NRG1: variants seen among roughly 807,000 people sequenced by gnomAD.
The protein encoded by NRG1 is pro-neuregulin-1, membrane-bound isoform.
In NRG1, 18 loss-of-function variants were observed where a neutral mutation model predicts 63.8. That is an observed-to-expected ratio of 0.28 (90% CI 0.19 to 0.42). The LOEUF is 0.42. NRG1 is among the 10% of genes least tolerant of loss of function. The pLI, the probability that NRG1 is intolerant of heterozygous loss-of-function variation, is 1.00. For synonymous variants in NRG1, 302 were observed against 301.3 expected, an observed-to-expected ratio of 1.00 and a Z score of -0.02; for missense variants, 762 against 814.7, an observed-to-expected ratio of 0.94 and a Z score of 0.79.
chr8:32,517,629 A>G (rs1259426972), intron 1 of NRG1, among the ~76,000 whole-genome samples: 1 of 152,172 alleles, frequency 6.6e-6, no homozygotes, highest in East Asian at 1.9e-4. Context: ...CAAAAAAGTT[A>G]AGCATATAGC....
At chr8:32,298,889 T>C (rs2129474894) in intron 1 of NRG1, among the ~76,000 whole-genome samples, 2 of 150,590 alleles carry the variant, frequency 1.3e-5, no homozygotes, top group Middle Eastern at 3.4e-3. Flanking sequence ...TAGCTGGGGA[T>C]GGTGGCATGT....
At chr8:32,204,495 A>G (rs1356973597) in intron 1 of NRG1, among the ~76,000 whole-genome samples, 2 of 152,220 alleles carry the variant, frequency 1.3e-5, no homozygotes, top group Non-Finnish European at 2.9e-5. Flanking sequence ...AGGAGTTTTC[A>G]GTCCTAATTG....
At chr8:32,270,215 A>G (rs779471730) in intron 1 of NRG1, among the ~76,000 whole-genome samples, 2 of 152,176 alleles carry the variant, frequency 1.3e-5, no homozygotes, top group Non-Finnish European at 2.9e-5. Flanking sequence ...CTAAATTCAT[A>G]TGTTAGCAAT....
chr8:31,809,376 A>G (rs1822620796), intron 1 of NRG1, among the ~76,000 whole-genome samples: 1 of 141,960 alleles, frequency 7.0e-6, no homozygotes, highest in Non-Finnish European at 1.5e-5. Context: ...ATACACGTAT[A>G]TATACGTGTA....
chr8:32,606,815 C>A (rs1050556535), intron 3 of NRG1, among the ~76,000 whole-genome samples: 1 of 152,000 alleles, frequency 6.6e-6, no homozygotes, highest in African/African-American at 2.4e-5. Flanking sequence ...GGTAAAAATG[C>A]CAGGTCAGCA....
intron 5 of NRG1, among the ~76,000 whole-genome samples, chr8:32,686,614 G>C (rs139020270): frequency 1.1e-4 from 16 of 152,330 alleles, no homozygotes; most frequent in African/African-American, 3.6e-4. Flanking sequence ...CCATTTAAGA[G>C]ATATCAACAG....
intron 1 of NRG1, among the ~76,000 whole-genome samples, chr8:31,845,541 A>T (rs958798346): frequency 6.6e-6 from 1 of 152,084 alleles, no homozygotes; most frequent in Non-Finnish European, 1.5e-5. Flanking sequence ...TGAAGGTGAA[A>T]ATGCTCTTTT....
chr8:31,684,341 A>G (rs1007324987), intron 1 of NRG1, among the ~76,000 whole-genome samples: 7 of 152,288 alleles, frequency 4.6e-5, no homozygotes, highest in Admixed American at 2.6e-4. Context: ...AAAAGGCTGG[A>G]AGGAACTACG....
chr8:32,400,699 T>TCAGTTCAG (rs1301202148), intron 1 of NRG1, among the ~76,000 whole-genome samples: 3 of 152,176 alleles, frequency 2.0e-5, no homozygotes, highest in Non-Finnish European at 4.4e-5. Context: ...GGACTGTAAA[T>TCAGTTCAG]CAGTTCAGCC....
At chr8:32,353,169 T>C (rs1207859475) in intron 1 of NRG1, among the ~76,000 whole-genome samples, 2 of 150,476 alleles carry the variant, frequency 1.3e-5, no homozygotes, top group African/African-American at 2.4e-5. Flanking sequence ...CTTAAAGCTA[T>C]AAAAATTAAA....
chr8:32,333,857 G>A (rs1293962062), intron 1 of NRG1, among the ~76,000 whole-genome samples: 1 of 152,066 alleles, frequency 6.6e-6, no homozygotes, highest in East Asian at 1.9e-4. Flanking sequence ...ACTACTTCCA[G>A]TTGTGTAAAC....
At chr8:32,605,100 C>T (rs1729293894) in intron 2 of NRG1, among the ~76,000 whole-genome samples, 1 of 152,112 alleles carries the variant, frequency 6.6e-6, no homozygotes, top group South Asian at 2.1e-4. Flanking sequence ...AAGAAGAGTG[C>T]ACAGTATTTT....
chr8:32,605,445 A>T (rs1431744619), intron 2 of NRG1, 117 bp from the exon 3 acceptor site: 34 of 1,128,764 alleles, frequency 3.0e-5, no homozygotes, highest in Non-Finnish European at 3.6e-5. Context: ...GTATTTTAAC[A>T]TATGTATAAG....
At chr8:32,274,531 C>T (rs1851886464) in intron 1 of NRG1, among the ~76,000 whole-genome samples, 1 of 152,152 alleles carries the variant, frequency 6.6e-6, no homozygotes, top group Admixed American at 6.5e-5. Context: ...GAACTTCATT[C>T]CCTTTCTTTT....
chr8:32,228,162 G>A (rs7825712), intron 1 of NRG1, among the ~76,000 whole-genome samples: 17 of 152,046 alleles, frequency 1.1e-4, no homozygotes, highest in African/African-American at 2.7e-4. Flanking sequence ...CTTGGTATTA[G>A]TTAATTGATA....
At chr8:31,839,025 T>A (rs1825943754) in intron 1 of NRG1, among the ~76,000 whole-genome samples, 1 of 152,162 alleles carries the variant, frequency 6.6e-6, no homozygotes, top group East Asian at 1.9e-4. Context: ...GCATTTAGGT[T>A]GAGATAGAAA....
intron 5 of NRG1, among the ~76,000 whole-genome samples, chr8:32,655,393 C>G (rs963989438): frequency 7.2e-5 from 11 of 152,124 alleles, no homozygotes; most frequent in African/African-American, 2.7e-4. Flanking sequence ...AGTTTTACAT[C>G]CAAACAAATG....
chr8:32,769,841 T>C (rs1022113117), downstream of NRG1, among the ~76,000 whole-genome samples: 4 of 152,236 alleles, frequency 2.6e-5, no homozygotes, highest in African/African-American at 7.2e-5. Context: ...CTCCTGGTAC[T>C]ATAACTGTTC....
intron 6 of NRG1, chr8:32,728,509 G>A (rs1822830662): frequency 1.0e-6 from 1 of 985,270 alleles, no homozygotes; most frequent in African/African-American, 1.7e-5. Context: ...ACAACAAAGA[G>A]AAGCAGAAGG....
Sources: gnomAD v4.1 joint callset for allele counts (sites outside exome capture counted in the v4.1 genomes callset) on GRCh38, gnomAD v4.1.1 for gene constraint, MANE v1.5 for transcripts, NCBI Gene and HGNC (gene_info 2026-07-23, HGNC 2026-07-21) for gene names.